The following TARBP1 variants were observed in gnomAD, a reference collection of about 807,000 sequenced individuals.
The protein encoded by TARBP1 is tRNA guanosine 2 -O-methyltransferase TARBP1.
Under a neutral mutation model 178.6 loss-of-function variants are expected in TARBP1, and 144 were observed. That is an observed-to-expected ratio of 0.81 (90% confidence interval 0.70 to 0.93). The LOEUF (loss-of-function observed/expected upper bound fraction) is 0.93, where lower values mean the gene tolerates loss of function less well. TARBP1 is among the 40% of genes least tolerant of loss of function. TARBP1 has a pLI of 0.00. For synonymous variants in TARBP1, 787 were observed against 781.0 expected (o/e 1.01, Z -0.13); for missense variants, 2,067 against 2,011.7 (o/e 1.03, Z -0.53).
At position 234,478,950 on chromosome 1, in the gene TARBP1, C is replaced by A. The variant is rs1355830556; in HGVS notation, c.154G>T (p.Gly52Trp). 1.4e-6 allele frequency: 2 copies of A among 1,455,550 alleles called. No homozygotes were observed. The highest frequency in any genetic ancestry group is 1.8e-6 in the Non-Finnish European group (2 of 1,112,870). 90.2% of individuals were successfully genotyped at this position (1,455,550 alleles called of 1,614,324 possible). A position where few individuals can be genotyped will look rare whatever the true frequency, so the allele number is the denominator to read the frequency against. The change falls in exon 1 of 30, where the codon GGG (glycine) becomes TGG (tryptophan). Residue 52 changes from glycine (G) to tryptophan (W), a missense_variant. Gly to Trp is a radical substitution (Grantham distance 184). Transcript: ENST00000040877. ...RLEDEEARGS[G>W]GAGALPEAAR... Reference sequence around the variant, plus strand: ...GCCTCCGGGAGCGCGCCTGCGCCCCCGCTGCCGCGCGCCTCCTCGTCCTCG... The same window carrying A: ...GCCTCCGGGAGCGCGCCTGCGCCCCAGCTGCCGCGCGCCTCCTCGTCCTCG...
intron 10 of TARBP1, among the ~76,000 whole-genome samples, chr1:234,449,365 G>C (rs898908280): frequency 9.6e-4 from 146 of 152,214 alleles, no homozygotes; most frequent in African/African-American, 3.2e-3. Flanking sequence ...AAAAGATATT[G>C]TAGATGAAGC....
Position 234,427,685 on chromosome 1 carries a change from T to C in TARBP1, c.3142A>G (p.Ile1048Val), listed in dbSNP as rs1333148763. Reference sequence around the variant, plus strand: ...TGGGACACATTTGAAGCAGACACTATCCAAGACTGACAGCAGTAACTTATC... The same window carrying C: ...TGGGACACATTTGAAGCAGACACTACCCAAGACTGACAGCAGTAACTTATC... The part of the protein sequence containing the change: ...TLISYCCQSW[I>V]VSASNVSQGS... Residue 1048 changes from isoleucine (I) to valine (V), a missense_variant, in exon 18 of 30, where the codon ATA becomes GTA. Coordinates refer to ENST00000040877, the MANE Select transcript of TARBP1 (RefSeq NM_005646.4). 2 of 1,563,444 alleles carry C rather than the reference T, an allele frequency of 1.3e-6. No individual in the cohort carries two copies. Among genetic ancestry groups the C allele is most frequent in the Non-Finnish European group, 1.7e-6 (2 of 1,163,416 alleles).
At chr1:234,419,088 C>T (rs894953257) in intron 21 of TARBP1, among the ~76,000 whole-genome samples, 5 of 151,992 alleles carry the variant, frequency 3.3e-5, no homozygotes, top group Non-Finnish European at 7.4e-5. Context: ...AGGAGAATGG[C>T]GTGAACCCTG....
chr1:234,441,596 A>G (rs547586215), intron 12 of TARBP1, among the ~76,000 whole-genome samples: 1 of 152,320 alleles, frequency 6.6e-6, no homozygotes, highest in South Asian at 2.1e-4. Flanking sequence ...AAGGTATCTA[A>G]TTCAATAGTT....
At chr1:234,476,258 T>C (rs1333074580) in intron 1 of TARBP1, among the ~76,000 whole-genome samples, 3 of 152,138 alleles carry the variant, frequency 2.0e-5, no homozygotes, top group Non-Finnish European at 4.4e-5. Context: ...GAGCATTTGA[T>C]GGAATTATCA....
At chr1:234,440,136 A>G (rs1489869997) in intron 12 of TARBP1, among the ~76,000 whole-genome samples, 1 of 152,226 alleles carries the variant, frequency 6.6e-6, no homozygotes, top group African/African-American at 2.4e-5. Flanking sequence ...GAAAGCTTCA[A>G]GGAAAGTTAG....
At position 234,437,298 on chromosome 1, in the gene TARBP1, G is replaced by A. The variant is rs777499260; in HGVS notation, c.2209C>T (p.Leu737Phe). The A allele has an allele frequency of 6.3e-7, 1 of 1,580,822 alleles. No homozygotes were observed. The highest frequency in any genetic ancestry group is 2.3e-5 in the East Asian group (1 of 44,370). ...ACACTATTTAGCTCATTCATAGTAA[G>A]TCTTCTGAGAATAAATTCAGAAATG... ...ESISEFILRR[L>F]TMNELNSVSD... Residue 737 changes from leucine to phenylalanine, a missense_variant, in exon 13 of 30, where the codon CTT becomes TTT. Leu to Phe is a conservative substitution (Grantham distance 22, BLOSUM62 0). Coordinates refer to ENST00000040877, the MANE Select transcript of TARBP1 (RefSeq NM_005646.4).
chr1:234,459,359 A>C, intron 7 of TARBP1, 33 bp from the exon 8 acceptor site: 1 of 1,487,748 alleles, frequency 6.7e-7, no homozygotes, highest in South Asian at 1.2e-5. Flanking sequence ...GCAGTTCCGT[A>C]TTCCCAAAGA....
intron 26 of TARBP1, 87 bp from the exon 27 acceptor site, chr1:234,393,924 ATG>A: frequency 2.0e-6 from 2 of 1,002,610 alleles, no homozygotes; most frequent in Non-Finnish European, 2.8e-6. Context: ...ATTTTTAAGA[ATG>A]TGAAATAATT....
intron 5 of TARBP1, among the ~76,000 whole-genome samples, chr1:234,465,152 A>G (rs1272264933): frequency 6.6e-6 from 1 of 152,210 alleles, no homozygotes; most frequent in East Asian, 1.9e-4. Flanking sequence ...TCTGGTCAGT[A>G]GACAAAGCTA....
At chr1:234,460,061 A>G (rs1173481295) in intron 7 of TARBP1, among the ~76,000 whole-genome samples, 200 bp downstream of exon 7, 1 of 152,216 alleles carries the variant, frequency 6.6e-6, no homozygotes, top group East Asian at 1.9e-4. Context: ...TTAAACTAGT[A>G]ATTTGTAAAA....
In TARBP1 at chr1:234,459,844, AAAG is replaced by A. The variant is rs768586257; in HGVS notation, c.1535+414_1535+416del. On this transcript the variant is annotated intron_variant, in intron 7 of 29. Transcript: ENST00000040877. ...AAAAACTATAAATGAAGATGCTTTT[AAAG>A]AAGTTTATATTTACTGAAATACTTT... Among the ~76,000 whole-genome samples the A allele has an allele frequency of 4.1e-4, 63 of 152,006 alleles. 1 individual carries two copies. Among genetic ancestry groups the A allele is most frequent in the Non-Finnish European group, 1.3e-4 (9 of 67,984 alleles).
chr1:234,458,896 T>C (rs555368786), intron 8 of TARBP1, among the ~76,000 whole-genome samples: 5 of 152,318 alleles, frequency 3.3e-5, no homozygotes, highest in African/African-American at 1.2e-4. Flanking sequence ...GACGTGGTCA[T>C]GCAGGCACCT....
intron 13 of TARBP1, among the ~76,000 whole-genome samples, chr1:234,436,519 T>G (rs1665045798): frequency 6.6e-6 from 1 of 151,942 alleles, no homozygotes; most frequent in Non-Finnish European, 1.5e-5. Flanking sequence ...TGCCTTTCTA[T>G]AATAAAATCT....
intron 12 of TARBP1, among the ~76,000 whole-genome samples, chr1:234,439,413 A>C (rs1010982024): frequency 1.3e-5 from 2 of 152,230 alleles, no homozygotes; most frequent in Admixed American, 1.3e-4. Flanking sequence ...AATTCCAAAG[A>C]GACTGTACAA....
chr1:234,471,119 A>G (rs1669009286), intron 3 of TARBP1, 69 bp downstream of exon 3: 1 of 1,162,386 alleles, frequency 8.6e-7, no homozygotes, highest in Non-Finnish European at 1.2e-6. Context: ...TACAATGAAC[A>G]GGAATTAGTT....
intron 4 of TARBP1, among the ~76,000 whole-genome samples, chr1:234,467,044 G>A (rs1284646855): frequency 6.6e-6 from 1 of 152,134 alleles, no homozygotes; most frequent in Non-Finnish European, 1.5e-5. Context: ...CCTGACAAAT[G>A]GAAGTACAGA....
chr1:234,410,982 G>T (rs1661752051), intron 22 of TARBP1, among the ~76,000 whole-genome samples: 1 of 152,138 alleles, frequency 6.6e-6, no homozygotes, highest in South Asian at 2.1e-4. Flanking sequence ...TGAGGTAGAA[G>T]AATTGCCTGA....
intron 12 of TARBP1, among the ~76,000 whole-genome samples, chr1:234,440,877 G>A (rs1022633522): frequency 2.6e-5 from 4 of 152,162 alleles, no homozygotes; most frequent in African/African-American, 9.7e-5. Flanking sequence ...AAAAATCACA[G>A]ACAACCTAAG....
Sources: allele counts gnomAD v4.1 joint callset (sites outside exome capture counted in the v4.1 genomes callset), GRCh38; gene constraint gnomAD v4.1.1; transcripts MANE v1.5; gene names NCBI Gene and HGNC (gene_info 2026-07-23, HGNC 2026-07-21).